TBXAS1: variants seen among roughly 807,000 people sequenced by gnomAD.
TBXAS1 encodes the protein thromboxane-A synthase.
TBXAS1 carries 48 observed loss-of-function variants against 60.7 expected under a neutral mutation model. The observed-to-expected ratio is 0.79, with a 90% CI of 0.63 to 1.01. The LOEUF (loss-of-function observed/expected upper bound fraction) is 1.01, where lower values mean the gene tolerates loss of function less well. Among genes scored for constraint, TBXAS1 ranks in the 50% least tolerant of loss-of-function variants. TBXAS1 has a pLI of 0.00. For synonymous variants in TBXAS1, 287 were observed against 269.7 expected (o/e 1.06, Z -0.63); for missense variants, 685 against 686.3 (o/e 1.00, Z 0.02).
At position 140,020,206 on chromosome 7, in the gene TBXAS1, G is replaced by A. The variant is rs779692621; in HGVS notation, c.*107G>A. 5 of 1,049,058 alleles carry A rather than the reference G, an allele frequency of 4.8e-6. No homozygotes were observed. Among genetic ancestry groups the A allele is most frequent in the Non-Finnish European group, 5.9e-6 (4 of 677,098 alleles). The allele number at this position is 1,049,058 out of a possible 1,614,324, so 65.0% of individuals were successfully genotyped here. ...ATGTCACTGAAGTGATTGAAAGAGTGCCTGGCATGCAAGGATAAGAGGTTC... is the reference window on the plus strand; with the variant it reads ...ATGTCACTGAAGTGATTGAAAGAGTACCTGGCATGCAAGGATAAGAGGTTC... On this transcript the variant is annotated 3_prime_UTR_variant, in exon 13 of 13. Coordinates refer to ENST00000448866, the MANE Select transcript of TBXAS1 (RefSeq NM_001061.7).
chr7:140,005,955 G>A (rs1814044645), intron 9 of TBXAS1, among the ~76,000 whole-genome samples: 1 of 152,196 alleles, frequency 6.6e-6, no homozygotes, highest in Non-Finnish European at 1.5e-5. Context: ...CACTTTGAGA[G>A]CTGGCTGAGA....
At position 140,004,205 on chromosome 7, in the gene TBXAS1, T is replaced by C. The variant is rs570895434; in HGVS notation, c.1135-2886T>C. 1.3e-5 allele frequency among the ~76,000 whole-genome samples: 2 copies of C among 152,370 alleles called. No individual in the cohort carries two copies. Among genetic ancestry groups the C allele is most frequent in the South Asian group, 4.1e-4 (2 of 4,832 alleles). On this transcript the variant is annotated intron_variant, in intron 9 of 12. Transcript: ENST00000448866. This position sits in a 1 kb window ranked among gnomAD's most constrained non-coding sequence, Gnocchi z 5.1. ...GGCCTGCAGGGCTGGCTACAGGATC[T>C]GTGAGGCCCAGTGAGAAATAAAAGC... is the stretch of plus-strand genomic sequence containing the variant.
rs775968061 is a variant in TBXAS1 at position 139,953,426 on chromosome 7, C to G, written c.509C>G (p.Ala170Gly). The G allele has an allele frequency of 4.3e-6, 7 of 1,614,034 alleles. No individual in the cohort carries two copies. The highest frequency in any genetic ancestry group is 1.3e-5 in the African/African-American group (1 of 74,922). ...CTCCTGGCTCATTTAAAACGCTATGCGGAATCTGGGGACGCATTTGACATC... is the reference window on the plus strand; with the variant it reads ...CTCCTGGCTCATTTAAAACGCTATGGGGAATCTGGGGACGCATTTGACATC... Reference protein sequence around the residue: ...DLLLAHLKRYAESGDAFDIQR... With the variant: ...DLLLAHLKRYGESGDAFDIQR... Residue 170 changes from alanine to glycine, a missense_variant, in exon 6 of 13, where the codon GCG (alanine) becomes GGG (glycine). Ala to Gly is a moderately conservative substitution (Grantham distance 60). Coordinates refer to ENST00000448866, the MANE Select transcript of TBXAS1 (RefSeq NM_001061.7).
chr7:139,982,138 AT>A (rs1423696230), intron 9 of TBXAS1, among the ~76,000 whole-genome samples: 1 of 152,208 alleles, frequency 6.6e-6, no homozygotes, highest in African/African-American at 2.4e-5. Context: ...ACTGTAAATA[AT>A]TTTTTAGTGT....
chr7:139,993,422 G>A (rs912640471), intron 9 of TBXAS1, among the ~76,000 whole-genome samples: 1 of 152,150 alleles, frequency 6.6e-6, no homozygotes, highest in Admixed American at 6.5e-5. Flanking sequence ...AGTCCCTGAG[G>A]CCGGAGAAAT....
At chr7:139,917,906 C>A (rs981285395) in intron 4 of TBXAS1, among the ~76,000 whole-genome samples, 1 of 152,076 alleles carries the variant, frequency 6.6e-6, no homozygotes, top group East Asian at 1.9e-4. Flanking sequence ...TAACTTTTGT[C>A]GTGGCAGAAG....
In TBXAS1 at chr7:139,817,551, C is replaced by T. The variant is rs533976349; in HGVS notation, c.-79-11761C>T. 4.6e-5 allele frequency among the ~76,000 whole-genome samples: 7 copies of T among 152,276 alleles called. No individual in the cohort carries two copies. In the South Asian group the frequency reaches 1.2e-3, roughly 27 times the overall value. On this transcript the variant is annotated intron_variant, in intron 4 of 16. Transcript: ENST00000336425. The stretch of plus-strand genomic sequence containing the variant: ...CAAGTAAAATTAGAGCCCATAAACC[C>T]GGAACAGGTACAGGCAGCCACGGGG...
chr7:139,969,992 T>C (rs1408443826), intron 9 of TBXAS1, among the ~76,000 whole-genome samples: 2 of 152,154 alleles, frequency 1.3e-5, no homozygotes, highest in Non-Finnish European at 2.9e-5. Context: ...CACCGGCCCT[T>C]GGTTAGGGCA....
chr7:139,860,404 A>T (rs888801998), intron 1 of TBXAS1, among the ~76,000 whole-genome samples: 1 of 152,192 alleles, frequency 6.6e-6, no homozygotes, highest in African/African-American at 2.4e-5. Flanking sequence ...ATACACTATA[A>T]GTTGGCGTGG....
intron 9 of TBXAS1, among the ~76,000 whole-genome samples, chr7:140,000,104 G>A (rs1813565260): frequency 6.6e-6 from 1 of 152,166 alleles, no homozygotes; most frequent in Non-Finnish European, 1.5e-5. Flanking sequence ...AGATTAATAG[G>A]AGAGGGCAGT....
rs73734123 is a variant in TBXAS1 at position 139,865,089 on chromosome 7, A to G, written c.90-7146A>G. Among the ~76,000 whole-genome samples the G allele has an allele frequency of 8.6e-3, 1,312 of 152,328 alleles. 27 individuals are homozygous for G. Among genetic ancestry groups the G allele is most frequent in the African/African-American group, 0.03 (1,228 of 41,574 alleles). On this transcript the variant is annotated intron_variant, in intron 1 of 12. Coordinates refer to ENST00000448866, the MANE Select transcript of TBXAS1 (RefSeq NM_001061.7). ...TGATACGTGAGTGAGTGTGCATCAG[A>G]TGATTTCCAGCCCTGAGGGCAAACT...
chr7:139,787,963 T>C (rs1367875394), intron 4 of TBXAS1, among the ~76,000 whole-genome samples: 1 of 152,210 alleles, frequency 6.6e-6, no homozygotes, highest in African/African-American at 2.4e-5. Context: ...AGTTACTAAA[T>C]GTGTGTTTCT....
At chr7:139,990,947 A>G (rs897129973) in intron 9 of TBXAS1, among the ~76,000 whole-genome samples, 1 of 152,162 alleles carries the variant, frequency 6.6e-6, no homozygotes, top group African/African-American at 2.4e-5. Flanking sequence ...GGGGGCACAG[A>G]GGCAGCAGGA....
At chr7:139,965,417 A>G (rs1027232557) in intron 9 of TBXAS1, among the ~76,000 whole-genome samples, 2 of 152,122 alleles carry the variant, frequency 1.3e-5, no homozygotes, top group African/African-American at 4.8e-5. Context: ...CTGGGCTGGG[A>G]CCCAGGAACC....
chr7:139,966,606 C>T (rs1400979295), intron 9 of TBXAS1, among the ~76,000 whole-genome samples: 1 of 152,222 alleles, frequency 6.6e-6, no homozygotes, highest in African/African-American at 2.4e-5. Flanking sequence ...CAACTTGAAA[C>T]CATTTGGTGT....
In TBXAS1 at chr7:139,948,603, A is replaced by G. The variant is rs139714188; in HGVS notation, c.451-4765A>G. ...TGAAAAATTTGGAATAAAACAAAAA[A>G]TAAAAATTACTCATTATCCCATGAA... On this transcript the variant is annotated intron_variant, in intron 5 of 12. Coordinates refer to ENST00000448866, the MANE Select transcript of TBXAS1 (RefSeq NM_001061.7). 1.1e-4 allele frequency among the ~76,000 whole-genome samples: 17 copies of G among 152,364 alleles called. No homozygotes were observed. In the East Asian group the frequency reaches 3.1e-3, roughly 28 times the overall value.
intron 4 of TBXAS1, among the ~76,000 whole-genome samples, chr7:139,928,912 G>A (rs1186430002): frequency 1.3e-5 from 2 of 152,172 alleles, no homozygotes; most frequent in East Asian, 3.8e-4. Context: ...CAGTCAACAG[G>A]GCTTCCCTTA....
At chr7:140,009,277 G>A (rs1250564830) in intron 10 of TBXAS1, among the ~76,000 whole-genome samples, 2 of 152,212 alleles carry the variant, frequency 1.3e-5, no homozygotes, top group Non-Finnish European at 2.9e-5. Context: ...CAGGTCTAGA[G>A]GGCACGTCAG....
At chr7:139,844,210 T>G (rs1397892675) in intron 1 of TBXAS1, among the ~76,000 whole-genome samples, 2 of 152,150 alleles carry the variant, frequency 1.3e-5, no homozygotes, top group Non-Finnish European at 2.9e-5. Flanking sequence ...GACACCAGAC[T>G]AGGGGACAGG....
Sources: gnomAD v4.1 joint callset for allele counts (sites outside exome capture counted in the v4.1 genomes callset) on GRCh38, gnomAD v4.1.1 for gene constraint, Gnocchi (gnomAD v3.1) non-coding constraint, MANE v1.5 for transcripts, NCBI Gene and HGNC (gene_info 2026-07-23, HGNC 2026-07-21) for gene names.